VEPH1: variants seen among roughly 807,000 people sequenced by gnomAD.
The protein encoded by VEPH1 is ventricular zone-expressed PH domain-containing protein homolog 1.
Under a neutral mutation model 85.2 loss-of-function variants are expected in VEPH1, and 80 were observed. The ratio of observed to expected loss-of-function variants is 0.94; its 90% confidence interval spans 0.78 to 1.13. The LOEUF (loss-of-function observed/expected upper bound fraction) is 1.13, where lower values mean the gene tolerates loss of function less well. Among genes scored for constraint, VEPH1 ranks in the 50% most tolerant of loss-of-function variants. The pLI, the probability that VEPH1 is intolerant of heterozygous loss-of-function variation, is 0.00. For synonymous variants in VEPH1, 297 were observed against 348.0 expected (o/e 0.85, Z 1.63); for missense variants, 955 against 980.5 (o/e 0.97, Z 0.35).
chr3:157,476,186 CAG>C (rs1737457713), intron 2 of VEPH1, among the ~76,000 whole-genome samples: 1 of 152,214 alleles, frequency 6.6e-6, no homozygotes, highest in Non-Finnish European at 1.5e-5. Context: ...CTACCAGCAA[CAG>C]AGGCCCCTGC....
chr3:157,392,429 A>ACCTCCCACCGGGTC (rs1292466542), intron 6 of VEPH1, among the ~76,000 whole-genome samples: 4 of 151,958 alleles, frequency 2.6e-5, no homozygotes, highest in African/African-American at 9.7e-5. Flanking sequence ...TGATTCAATT[A>ACCTCCCACCGGGTC]CCTCCCACCG....
rs374280561 is a variant in VEPH1, at chr3:157,372,713, AT to A, written c.1128-8202del. On this transcript the variant is annotated intron_variant, in intron 7 of 13. Coordinates refer to ENST00000362010, the MANE Select transcript of VEPH1 (RefSeq NM_001167912.2). The stretch of plus-strand genomic sequence containing the variant: ...TTTAAACTCACTGTAGTAAAGAACT[AT>A]TTTTTTTTTAAATTTTCATGTCACA... Among the ~76,000 whole-genome samples, 749 of 150,648 alleles carry A rather than the reference AT, an allele frequency of 5.0e-3. 7 individuals carry two copies. Among genetic ancestry groups the A allele is most frequent in the South Asian group, 0.033 (159 of 4,756 alleles).
chr3:157,409,906 T>C (rs1389871857), intron 6 of VEPH1: 1 of 985,266 alleles, frequency 1.0e-6, no homozygotes, highest in Non-Finnish European at 1.2e-6. Context: ...ACCATGGAGT[T>C]TGCTGGAAAC....
chr3:157,322,264 T>C (rs1721433807), intron 9 of VEPH1, among the ~76,000 whole-genome samples: 1 of 152,242 alleles, frequency 6.6e-6, no homozygotes, highest in African/African-American at 2.4e-5. Flanking sequence ...TCAATGTTCA[T>C]ACACATGGTA....
At chr3:157,428,253 A>G (rs1043697700) in intron 5 of VEPH1, 69 bp downstream of exon 5, 5 of 1,550,926 alleles carry the variant, frequency 3.2e-6, no homozygotes, top group African/African-American at 2.7e-5. Flanking sequence ...TCCTAAGCAC[A>G]TACGCTGTTC....
intron 7 of VEPH1, among the ~76,000 whole-genome samples, chr3:157,369,191 A>AAAAAAAAAAAAAAC (rs1560001213): frequency 5.5e-5 from 8 of 145,150 alleles, no homozygotes; most frequent in Non-Finnish European, 9.1e-5. Context: ...AAAAAAAAAA[A>AAAAAAAAAAAAAAC]AAAAAAAAAA....
chr3:157,313,184 A>G (rs7625512), intron 11 of VEPH1, among the ~76,000 whole-genome samples: 104,238 of 151,532 alleles, frequency 0.69, 36,048 homozygotes, highest in East Asian at 0.78. Flanking sequence ...GATTACAGGC[A>G]TGAGCCACCG....
intron 6 of VEPH1, among the ~76,000 whole-genome samples, chr3:157,400,127 A>C (rs1369156175): frequency 6.6e-6 from 1 of 152,138 alleles, no homozygotes; most frequent in Non-Finnish European, 1.5e-5. Context: ...AGGAACACGC[A>C]CTTTTTGTGG....
intron 5 of VEPH1, 43 bp downstream of exon 5, chr3:157,428,279 T>G: frequency 6.2e-7 from 1 of 1,602,754 alleles, no homozygotes; most frequent in South Asian, 1.1e-5. Flanking sequence ...CAAAGAAACA[T>G]GCCTGGTTGT....
chr3:157,438,418 G>GCCGGCC (rs1733845948), intron 4 of VEPH1, among the ~76,000 whole-genome samples: 1 of 152,112 alleles, frequency 6.6e-6, no homozygotes, highest in Non-Finnish European at 1.5e-5. Context: ...CAGCCCCTCA[G>GCCGGCC]CCGGCCCCTC....
At position 157,485,594 on chromosome 3, in the gene VEPH1, A is replaced by T. The variant is rs191416084; in HGVS notation, c.138+9618T>A. ...AATCAATTAAAAATTTTCAGAAAAA[A>T]TATAAAAATAAACATGGAAAAGTCA... On this transcript the variant is annotated intron_variant, in intron 2 of 13. Coordinates refer to ENST00000362010, the MANE Select transcript of VEPH1 (RefSeq NM_001167912.2). Among the ~76,000 whole-genome samples the T allele has an allele frequency of 1.8e-4, 27 of 152,252 alleles. 1 individual carries two copies. In the East Asian group the frequency reaches 5.0e-3, roughly 28 times the overall value.
intron 5 of VEPH1, among the ~76,000 whole-genome samples, chr3:157,425,355 C>G (rs538394074): frequency 6.6e-6 from 1 of 152,296 alleles, no homozygotes; most frequent in South Asian, 2.1e-4. Flanking sequence ...AACGTGGGGT[C>G]AGAGCCTCCA....
At chr3:157,468,516 A>T (rs1323034095) in intron 3 of VEPH1, among the ~76,000 whole-genome samples, 3 of 152,154 alleles carry the variant, frequency 2.0e-5, no homozygotes, top group Non-Finnish European at 4.4e-5. Flanking sequence ...CGGAGGTTGC[A>T]GTGAGCCGAG....
chr3:157,365,010 T>G (rs1001905832), intron 7 of VEPH1, among the ~76,000 whole-genome samples: 1 of 152,252 alleles, frequency 6.6e-6, no homozygotes, highest in African/African-American at 2.4e-5. Context: ...AATTTTAAGA[T>G]GTTGGAAGAA....
chr3:157,281,575 G>A (rs1043634652), intron 12 of VEPH1, among the ~76,000 whole-genome samples: 44 of 150,946 alleles, frequency 2.9e-4, no homozygotes, highest in African/African-American at 1.1e-3. Flanking sequence ...AGTCTCGCTT[G>A]CCACCCGGCT....
intron 11 of VEPH1, among the ~76,000 whole-genome samples, chr3:157,292,805 C>G (rs1395555525): frequency 9.4e-6 from 1 of 106,870 alleles, no homozygotes; most frequent in East Asian, 2.7e-4. Flanking sequence ...AACCCCCTCT[C>G]TACTAAAAAA....
intron 3 of VEPH1, among the ~76,000 whole-genome samples, chr3:157,469,754 A>G (rs1272755633): frequency 6.6e-6 from 1 of 152,226 alleles, no homozygotes; most frequent in African/African-American, 2.4e-5. Context: ...GACTTGCCCA[A>G]TATCGCAGTG....
intron 12 of VEPH1, among the ~76,000 whole-genome samples, chr3:157,278,261 A>G (rs1715651042): frequency 6.6e-6 from 1 of 152,210 alleles, no homozygotes; most frequent in East Asian, 1.9e-4. Flanking sequence ...TTGATTTGTA[A>G]TAAGAAGGCT....
chr3:157,395,479 A>G (rs527261613), intron 6 of VEPH1, among the ~76,000 whole-genome samples: 19 of 152,284 alleles, frequency 1.2e-4, no homozygotes, highest in Non-Finnish European at 2.5e-4. Flanking sequence ...CTTCTCTGAC[A>G]CCATGGCAAC....
Sources: allele counts gnomAD v4.1 joint callset (sites outside exome capture counted in the v4.1 genomes callset), GRCh38; gene constraint gnomAD v4.1.1; transcripts MANE v1.5; gene names NCBI Gene and HGNC (gene_info 2026-07-23, HGNC 2026-07-21).